VEGFC: variants seen among roughly 807,000 people sequenced by gnomAD.
VEGFC encodes FLT4 ligand DHM.
In VEGFC, 12 loss-of-function variants were observed where a neutral mutation model predicts 46.1. That is an observed-to-expected ratio of 0.26 (90% CI 0.17 to 0.42). The LOEUF is 0.42. Ranked by LOEUF, VEGFC falls within the 10% of genes least tolerant of loss-of-function variation. The pLI is 1.00. For missense variants in VEGFC, 488 were observed against 529.4 expected (o/e 0.92, Z 0.77); for synonymous variants, 232 against 195.5 (o/e 1.19, Z -1.56).
chr4:176,774,898 T>C (rs767838002), intron 1 of VEGFC, among the ~76,000 whole-genome samples: 5 of 152,058 alleles, frequency 3.3e-5, no homozygotes, highest in Non-Finnish European at 5.9e-5. Context: ...TTGTATCCTC[T>C]AGATTGTCAG....
chr4:176,761,063 T>G (rs1314287105), intron 1 of VEGFC, among the ~76,000 whole-genome samples: 2 of 152,210 alleles, frequency 1.3e-5, no homozygotes. Context: ...CGTTCTGTAT[T>G]TTCTTGTGAT....
intron 3 of VEGFC, among the ~76,000 whole-genome samples, chr4:176,720,659 G>A (rs1734770708): frequency 6.6e-6 from 1 of 151,762 alleles, no homozygotes; most frequent in South Asian, 2.1e-4. Flanking sequence ...GGCTAACATG[G>A]TGAAACCCCA....
chr4:176,726,494 C>T (rs1338720472), intron 3 of VEGFC, among the ~76,000 whole-genome samples: 1 of 151,914 alleles, frequency 6.6e-6, no homozygotes, highest in Non-Finnish European at 1.5e-5. Flanking sequence ...TTTGTTTCTT[C>T]TTGCAAGTCT....
intron 1 of VEGFC, among the ~76,000 whole-genome samples, chr4:176,733,039 G>C (rs1247003655): frequency 6.6e-6 from 1 of 151,806 alleles, no homozygotes; most frequent in African/African-American, 2.4e-5. Flanking sequence ...CATTAAATTA[G>C]AGAAATGCTT....
At chr4:176,742,455 C>T (rs1338993875) in intron 1 of VEGFC, among the ~76,000 whole-genome samples, 1 of 151,900 alleles carries the variant, frequency 6.6e-6, no homozygotes, top group African/African-American at 2.4e-5. Context: ...ACCCGCATAC[C>T]AGTAATGGGG....
At chr4:176,747,184 T>A (rs904520020) in intron 1 of VEGFC, among the ~76,000 whole-genome samples, 2 of 152,018 alleles carry the variant, frequency 1.3e-5, no homozygotes, top group African/African-American at 2.4e-5. Flanking sequence ...AACAGAAGCA[T>A]AGGGAAATGA....
intron 4 of VEGFC, among the ~76,000 whole-genome samples, chr4:176,705,568 G>A (rs75529268): frequency 0.07 from 10,621 of 151,958 alleles, 418 homozygotes; most frequent in Non-Finnish European, 0.091. Flanking sequence ...AGTTTTTTTG[G>A]CTCTTTAGCA....
intron 1 of VEGFC, among the ~76,000 whole-genome samples, chr4:176,785,614 C>T (rs114391835): frequency 6.9e-6 from 1 of 144,986 alleles, no homozygotes; most frequent in Non-Finnish European, 1.5e-5. Context: ...ATTTCCAGGA[C>T]ACTTTAGGGT....
chr4:176,734,484 T>C (rs1226236130), intron 1 of VEGFC, among the ~76,000 whole-genome samples: 1 of 151,876 alleles, frequency 6.6e-6, no homozygotes, highest in Non-Finnish European at 1.5e-5. Flanking sequence ...CACATTTTTA[T>C]GTTAGAAAAC....
At position 176,723,303 on chromosome 4, in the gene VEGFC, A is replaced by G. The variant is rs1368159911; in HGVS notation, c.552+4475T>C. 2.6e-5 allele frequency among the ~76,000 whole-genome samples: 4 copies of G among 152,226 alleles called. No homozygotes were observed. In the East Asian group the frequency reaches 7.7e-4, roughly 29 times the overall value. ...GTTTCTTTTACAGATACATATATGT[A>G]TATCTGTATATACATATGTATATAT... On this transcript the variant is annotated intron_variant, in intron 3 of 6. Transcript: ENST00000618562.
chr4:176,749,718 T>C (rs542101842), intron 1 of VEGFC, among the ~76,000 whole-genome samples: 2 of 151,932 alleles, frequency 1.3e-5, no homozygotes, highest in South Asian at 4.1e-4. Flanking sequence ...AAAATCCAAT[T>C]GTGAGTCATT....
intron 4 of VEGFC, among the ~76,000 whole-genome samples, chr4:176,700,395 C>T (rs1429428489): frequency 8.7e-5 from 13 of 149,724 alleles, no homozygotes; most frequent in Admixed American, 8.7e-4. Flanking sequence ...CTAGCCTGGG[C>T]AACAGCATGA....
intron 1 of VEGFC, among the ~76,000 whole-genome samples, chr4:176,767,509 G>A (rs1735648120): frequency 6.6e-6 from 1 of 152,304 alleles, no homozygotes; most frequent in Admixed American, 6.5e-5. Flanking sequence ...AGGGCTGATA[G>A]CACTATTCGC....
chr4:176,762,021 G>A (rs1413489146), intron 1 of VEGFC, among the ~76,000 whole-genome samples: 3 of 152,186 alleles, frequency 2.0e-5, no homozygotes, highest in Admixed American at 6.5e-5. Flanking sequence ...TCAGGGAAGA[G>A]GTGGAAATCT....
chr4:176,700,901 T>C (rs961226059), intron 4 of VEGFC, among the ~76,000 whole-genome samples: 4 of 152,074 alleles, frequency 2.6e-5, no homozygotes, highest in African/African-American at 9.7e-5. Flanking sequence ...TATGAGGGTA[T>C]AAGAGTTGAT....
chr4:176,792,512 G>A lies in VEGFC; in HGVS notation c.-201C>T, dbSNP rs950405013. 1 of 407,206 alleles carries A rather than the reference G, an allele frequency of 2.5e-6. No individual in the cohort carries two copies. The highest frequency in any genetic ancestry group is 4.3e-6 in the Non-Finnish European group (1 of 233,056). 25.2% of individuals were successfully genotyped at this position (407,206 alleles called of 1,614,324 possible). A position where few individuals can be genotyped will look rare whatever the true frequency, so the allele number is the denominator to read the frequency against. ...TTTGCAGGGCGCCCTCCCAGCCAGT[G>A]CCGGGGAAAGGCGGCGGGTGTCAGG... On this transcript the variant is annotated 5_prime_UTR_variant, in exon 1 of 7. Coordinates refer to ENST00000618562, the MANE Select transcript of VEGFC (RefSeq NM_005429.5). The surrounding 1 kb of genome is among the most constrained non-coding windows in gnomAD (Gnocchi z 6.3).
At chr4:176,740,112 T>C (rs867253526) in intron 1 of VEGFC, among the ~76,000 whole-genome samples, 7 of 127,606 alleles carry the variant, frequency 5.5e-5, no homozygotes, top group African/African-American at 1.7e-4. Flanking sequence ...ATATTCTATA[T>C]ATATATTCTA....
intron 1 of VEGFC, among the ~76,000 whole-genome samples, chr4:176,752,648 C>T (rs1475558491): frequency 6.6e-6 from 1 of 152,064 alleles, no homozygotes. Flanking sequence ...TAAATGTGCA[C>T]ATGTACATGA....
intron 4 of VEGFC, among the ~76,000 whole-genome samples, chr4:176,693,715 G>A (rs1361089379): frequency 5.0e-5 from 7 of 139,956 alleles, no homozygotes; most frequent in Non-Finnish European, 1.5e-5. Flanking sequence ...AAATGTTAAG[G>A]GCAGCCAGAG....
Sources: gnomAD v4.1 joint callset for allele counts (sites outside exome capture counted in the v4.1 genomes callset) on GRCh38, gnomAD v4.1.1 for gene constraint, Gnocchi (gnomAD v3.1) non-coding constraint, MANE v1.5 for transcripts, NCBI Gene and HGNC (gene_info 2026-07-23, HGNC 2026-07-21) for gene names.